PLCL1: variants seen among roughly 807,000 people sequenced by gnomAD.
PLCL1 encodes the protein inactive phospholipase C-like protein 1.
Under a neutral mutation model 84.4 loss-of-function variants are expected in PLCL1, and 41 were observed. The ratio of observed to expected loss-of-function variants is 0.49; its 90% CI spans 0.38 to 0.63. The LOEUF (loss-of-function observed/expected upper bound fraction) is 0.63. Among genes scored for constraint, PLCL1 ranks in the 30% least tolerant of loss-of-function variants. The probability of loss-of-function intolerance (pLI) is 0.00; values close to 1 mark genes in which losing one functional copy is unlikely to be tolerated. For missense variants in PLCL1, 1,206 were observed against 1,367.8 expected (o/e 0.88, Z 1.87); for synonymous variants, 490 against 488.3 (o/e 1.00, Z -0.05).
intron 1 of PLCL1, among the ~76,000 whole-genome samples, chr2:197,850,781 T>A (rs1687219474): frequency 6.6e-6 from 1 of 152,072 alleles, no homozygotes; most frequent in South Asian, 2.1e-4. Flanking sequence ...CTGGAGACAT[T>A]TGAGATTCAA....
At position 198,084,433 on chromosome 2, in the gene PLCL1, G is replaced by A; in HGVS notation, c.916G>A (p.Ala306Thr). The change falls in exon 2 of 6, where the codon GCT (alanine) becomes ACT (threonine). Residue 306 changes from alanine (A) to threonine (T), a missense_variant. By Grantham distance (58) the Ala-to-Thr change is moderately conservative. Coordinates refer to ENST00000428675, the MANE Select transcript of PLCL1 (RefSeq NM_006226.4). ...CGTGACCGAAGAGGAATTTTGTGAA[G>A]CTTTTTGTGAACTTTGCACCAGGCC... Reference protein sequence around the residue: ...TRVTEEEFCEAFCELCTRPEV... With the variant: ...TRVTEEEFCETFCELCTRPEV... The A allele has an allele frequency of 6.2e-7, 1 of 1,614,158 alleles. No homozygotes were observed. Among genetic ancestry groups the A allele is most frequent in the Non-Finnish European group, 8.5e-7 (1 of 1,179,990 alleles).
chr2:198,019,852 G>A (rs1006507518), intron 1 of PLCL1, among the ~76,000 whole-genome samples: 21 of 152,238 alleles, frequency 1.4e-4, no homozygotes, highest in Non-Finnish European at 2.8e-4. Flanking sequence ...AACTGAGCAA[G>A]ACAGGCCAAC....
At chr2:197,892,547 C>T (rs1688051157) in intron 1 of PLCL1, among the ~76,000 whole-genome samples, 1 of 152,178 alleles carries the variant, frequency 6.6e-6, no homozygotes, top group South Asian at 2.1e-4. Flanking sequence ...GAAGGCTTGA[C>T]TTAGAGTGGT....
intron 1 of PLCL1, among the ~76,000 whole-genome samples, chr2:198,047,822 G>T (rs1691842730): frequency 6.6e-6 from 1 of 152,178 alleles, no homozygotes; most frequent in South Asian, 2.1e-4. Context: ...TAATAAAGCA[G>T]ATCCCAGCTT....
intron 1 of PLCL1, among the ~76,000 whole-genome samples, chr2:197,950,020 C>G (rs1385963028): frequency 6.6e-6 from 1 of 152,112 alleles, no homozygotes; most frequent in Non-Finnish European, 1.5e-5. Context: ...CTAGGGAATC[C>G]TCAGAAACTT....
intron 5 of PLCL1, among the ~76,000 whole-genome samples, chr2:198,131,941 T>C (rs770098261): frequency 5.9e-5 from 9 of 152,168 alleles, no homozygotes; most frequent in Non-Finnish European, 8.8e-5. Flanking sequence ...TCCTTCACAT[T>C]TGAAGCAGGC....
chr2:198,074,502 G>A (rs905475957), intron 1 of PLCL1, among the ~76,000 whole-genome samples: 4 of 152,138 alleles, frequency 2.6e-5, no homozygotes, highest in African/African-American at 7.2e-5. Context: ...ATATATTGGT[G>A]TGTCATAGTT....
At chr2:198,061,239 T>C (rs1692191464) in intron 1 of PLCL1, among the ~76,000 whole-genome samples, 1 of 152,224 alleles carries the variant, frequency 6.6e-6, no homozygotes, top group Non-Finnish European at 1.5e-5. Context: ...TATAAAGATG[T>C]GAACATTTTA....
intron 1 of PLCL1, among the ~76,000 whole-genome samples, chr2:198,031,379 A>G (rs1229908769): frequency 1.3e-5 from 2 of 151,936 alleles, no homozygotes; most frequent in Non-Finnish European, 2.9e-5. Context: ...CTTTATATAT[A>G]TATAATATAT....
intron 1 of PLCL1, among the ~76,000 whole-genome samples, chr2:198,020,340 A>G (rs1372119189): frequency 6.6e-6 from 1 of 152,204 alleles, no homozygotes; most frequent in East Asian, 1.9e-4. Flanking sequence ...CTAATCGGAA[A>G]ATAACCAGCT....
intron 1 of PLCL1, among the ~76,000 whole-genome samples, chr2:197,947,106 C>T (rs1689289644): frequency 6.6e-6 from 1 of 151,856 alleles, no homozygotes; most frequent in Non-Finnish European, 1.5e-5. Flanking sequence ...TAGGGGTGAA[C>T]ATACGTTTTC....
At chr2:197,930,597 T>G (rs1688912577) in intron 1 of PLCL1, among the ~76,000 whole-genome samples, 1 of 152,206 alleles carries the variant, frequency 6.6e-6, no homozygotes, top group Non-Finnish European at 1.5e-5. Flanking sequence ...CATTTCCTTG[T>G]ATGTTTTGGA....
chr2:198,047,133 G>A (rs1691823312), intron 1 of PLCL1, among the ~76,000 whole-genome samples: 1 of 151,310 alleles, frequency 6.6e-6, no homozygotes, highest in Non-Finnish European at 1.5e-5. Flanking sequence ...AGGCTTGCTT[G>A]AGTATGAACC....
intron 3 of PLCL1, among the ~76,000 whole-genome samples, chr2:198,089,388 T>A (rs533954819): frequency 6.6e-6 from 1 of 152,338 alleles, no homozygotes; most frequent in Non-Finnish European, 1.5e-5. Context: ...ATTATATACC[T>A]ATGGGAAGTA....
chr2:197,968,936 C>G lies in PLCL1; in HGVS notation c.241-114822C>G, dbSNP rs1689802075. On this transcript the variant is annotated intron_variant, in intron 1 of 5. Transcript: ENST00000428675. ...AAAACAGGGTCCCCAACCCCCAGAC[C>G]ACGGTCTGGTTAGGAACCGGGCCAC... Among the ~76,000 whole-genome samples the G allele has an allele frequency of 2.6e-5, 4 of 152,158 alleles. No individual in the cohort carries two copies. The South Asian group carries it at 8.3e-4, about 32-fold the overall frequency.
chr2:197,933,275 T>G (rs1464613320), intron 1 of PLCL1, among the ~76,000 whole-genome samples: 2 of 148,416 alleles, frequency 1.3e-5, no homozygotes, highest in Admixed American at 6.7e-5. Context: ...CTTTTTTTTT[T>G]TTTTTTGAGA....
chr2:198,052,302 C>T (rs529683004), intron 1 of PLCL1, among the ~76,000 whole-genome samples: 1 of 152,002 alleles, frequency 6.6e-6, no homozygotes, highest in African/African-American at 2.4e-5. Context: ...CCTCCTGCCT[C>T]GGCCTCCCAA....
At chr2:197,940,051 A>G (rs1689128255) in intron 1 of PLCL1, among the ~76,000 whole-genome samples, 1 of 152,150 alleles carries the variant, frequency 6.6e-6, no homozygotes, top group South Asian at 2.1e-4. Flanking sequence ...CACTGCACTA[A>G]TATGTGTTTC....
intron 3 of PLCL1, among the ~76,000 whole-genome samples, chr2:198,095,355 T>G (rs748084611): frequency 7.2e-5 from 11 of 152,254 alleles, no homozygotes; most frequent in Non-Finnish European, 1.6e-4. Context: ...TTAAGGCTGA[T>G]AATGTCATAT....
Sources: gnomAD v4.1 joint callset for allele counts (sites outside exome capture counted in the v4.1 genomes callset) on GRCh38, gnomAD v4.1.1 for gene constraint, MANE v1.5 for transcripts, NCBI Gene and HGNC (gene_info 2026-07-23, HGNC 2026-07-21) for gene names.